Variants in TTLL4 observed in about 807,000 individuals in gnomAD.
The protein encoded by TTLL4 is tubulin tyrosine ligase like 4.
Under a neutral mutation model 122.7 loss-of-function variants are expected in TTLL4, and 85 were observed. That is an observed-to-expected ratio of 0.69 (90% CI 0.58 to 0.83). TTLL4 has a LOEUF of 0.83. Ranked by LOEUF, TTLL4 falls within the 40% of genes least tolerant of loss-of-function variation. TTLL4 has a pLI of 0.00. For synonymous variants in TTLL4, 553 were observed against 563.0 expected (o/e 0.98, Z 0.25); for missense variants, 1,363 against 1,488.6 (o/e 0.92, Z 1.39).
In TTLL4 at chr2:218,747,923, G is replaced by A. The variant is rs1043439659; in HGVS notation, c.2379-182G>A. On this transcript the variant is annotated intron_variant, in intron 11 of 19. Transcript: ENST00000392102. This position sits in a 1 kb window ranked among gnomAD's most constrained non-coding sequence, Gnocchi z 4.7. The stretch of plus-strand genomic sequence containing the variant: ...GCATGCGGGACTGAGGTGGGATAAA[G>A]GAGATGAGTTTAGCTGTGGTTTTTC... 4.5e-6 allele frequency: 5 copies of A among 1,116,254 alleles called. No individual in the cohort carries two copies. The highest frequency in any genetic ancestry group is 6.4e-6 in the Non-Finnish European group (5 of 785,108). The allele number at this position is 1,116,254 out of a possible 1,614,324, so 69.1% of individuals were successfully genotyped here.
chr2:218,737,358 T>C (rs530660434), intron 2 of TTLL4, among the ~76,000 whole-genome samples: 15 of 152,274 alleles, frequency 9.9e-5, no homozygotes, highest in African/African-American at 3.6e-4. Context: ...CTCAGTGTTT[T>C]AGTCCGTAAT....
intron 13 of TTLL4, among the ~76,000 whole-genome samples, 154 bp downstream of exon 13, chr2:218,749,088 A>G (rs1942943543): frequency 6.6e-6 from 1 of 151,992 alleles, no homozygotes; most frequent in Non-Finnish European, 1.5e-5. Flanking sequence ...GTTCTAATGA[A>G]CCTCATCCCC....
At chr2:218,750,983 C>T (rs1344744939) in intron 15 of TTLL4, among the ~76,000 whole-genome samples, 1 of 152,142 alleles carries the variant, frequency 6.6e-6, no homozygotes, top group East Asian at 1.9e-4. Flanking sequence ...ACTTACCCTT[C>T]CAATAACCCT....
chr2:218,720,077 C>T (rs1941987820), intron 1 of TTLL4, among the ~76,000 whole-genome samples: 1 of 152,032 alleles, frequency 6.6e-6, no homozygotes, highest in African/African-American at 2.4e-5. Context: ...AAAGAAGGGT[C>T]CACTCAAGGA....
At chr2:218,722,841 T>C (rs1158666501) in intron 1 of TTLL4, among the ~76,000 whole-genome samples, 1 of 152,250 alleles carries the variant, frequency 6.6e-6, no homozygotes, top group Non-Finnish European at 1.5e-5. Flanking sequence ...CAAAGACATA[T>C]ATTTGAAGCT....
intron 1 of TTLL4, among the ~76,000 whole-genome samples, chr2:218,714,958 A>G (rs147339715): frequency 2.3e-4 from 35 of 152,340 alleles, no homozygotes; most frequent in African/African-American, 8.4e-4. Flanking sequence ...TAATAAGCCC[A>G]TTACTAACAT....
chr2:218,743,598 A>T (rs1446477560), intron 5 of TTLL4, among the ~76,000 whole-genome samples: 1 of 152,158 alleles, frequency 6.6e-6, no homozygotes, highest in Non-Finnish European at 1.5e-5. Flanking sequence ...TGGTGGTTAC[A>T]TGTTTAGTTT....
chr2:218,715,608 T>C (rs1422547771), intron 1 of TTLL4, among the ~76,000 whole-genome samples: 2 of 152,134 alleles, frequency 1.3e-5, no homozygotes, highest in African/African-American at 4.8e-5. Context: ...AAAAGGCTAC[T>C]GTAAAAATAA....
intron 1 of TTLL4, among the ~76,000 whole-genome samples, chr2:218,724,460 A>C (rs773472126): frequency 6.6e-6 from 1 of 152,162 alleles, no homozygotes; most frequent in Admixed American, 6.6e-5. Context: ...GTTAACCACC[A>C]ATCTGTTCTC....
rs372440850 is a variant in TTLL4, at chr2:218,737,734, A to T, written c.58A>T (p.Lys20Ter). Residue 20 changes from lysine to a stop codon, truncating the protein, a stop_gained, in exon 3 of 20, where the codon AAG (lysine) becomes TAG (stop). Coordinates refer to ENST00000392102, the MANE Select transcript of TTLL4 (RefSeq NM_014640.5). LOFTEE classifies it high-confidence loss of function. Reference protein sequence around the residue: ...SIGLRQKNSFKQSGPSGTVPA... With the variant: ...SIGLRQKNSF ...TGGCCTCCGCCAGAAAAACAGCTTC[A>T]AGCAGAGTGGTCCCTCAGGCACAGT... 6.2e-7 allele frequency: 1 copy of T among 1,614,018 alleles called. No individual in the cohort carries two copies. The highest frequency in any genetic ancestry group is 1.1e-5 in the South Asian group (1 of 91,064).
intron 5 of TTLL4, 92 bp downstream of exon 5, chr2:218,740,676 GGA>G: frequency 6.8e-7 from 1 of 1,462,118 alleles, no homozygotes; most frequent in Middle Eastern, 1.8e-4. Flanking sequence ...TTAATGGCCT[GGA>G]GAACTCTAAT....
At chr2:218,732,970 T>C (rs1350940919) in intron 2 of TTLL4, among the ~76,000 whole-genome samples, 1 of 152,254 alleles carries the variant, frequency 6.6e-6, no homozygotes, top group Non-Finnish European at 1.5e-5. Context: ...TGATACTGTT[T>C]ACTTGGCATT....
intron 8 of TTLL4, 106 bp downstream of exon 8, chr2:218,746,337 G>A (rs1382945186): frequency 4.8e-6 from 6 of 1,243,096 alleles, no homozygotes; most frequent in Non-Finnish European, 3.5e-6. Flanking sequence ...TGATGACCAT[G>A]GAGAAGTCAG....
intron 8 of TTLL4, 149 bp from the exon 9 acceptor site, chr2:218,746,854 T>C (rs1942856945): frequency 1.3e-6 from 1 of 765,348 alleles, no homozygotes; most frequent in South Asian, 1.8e-5. Context: ...TGCAGTTGGA[T>C]ACTTGAGGAC....
chr2:218,754,554 G>A lies in TTLL4; in HGVS notation c.*165G>A, dbSNP rs1575187216. On this transcript the variant is annotated 3_prime_UTR_variant, in exon 20 of 20. Transcript: ENST00000392102. Reference sequence around the variant, plus strand: ...TATAGAGATGGGTATTTGTAGGGCCGGAGGGATGGTAGTGATGGGGAGAAG... The same window carrying A: ...TATAGAGATGGGTATTTGTAGGGCCAGAGGGATGGTAGTGATGGGGAGAAG... The A allele has an allele frequency of 9.7e-6, 9 of 924,420 alleles. No individual in the cohort carries two copies. The South Asian group carries it at 1.2e-4, about 13-fold the overall frequency. The allele number at this position is 924,420 out of a possible 1,614,324, so 57.3% of individuals were successfully genotyped here. A position where few individuals can be genotyped will look rare whatever the true frequency, so the allele number is the denominator to read the frequency against.
At chr2:218,716,572 A>C (rs1941864771) in intron 1 of TTLL4, among the ~76,000 whole-genome samples, 1 of 152,166 alleles carries the variant, frequency 6.6e-6, no homozygotes, top group Non-Finnish European at 1.5e-5. Flanking sequence ...GGCAGATCAC[A>C]AGGTCAGGAG....
chr2:218,727,388 AATT>A (rs1942226288), intron 2 of TTLL4, 41 bp downstream of exon 2: 1 of 152,258 alleles, frequency 6.6e-6, no homozygotes, highest in Middle Eastern at 3.4e-3. Context: ...TTGTTTTAAA[AATT>A]ATTATTAACA....
Position 218,749,897 on chromosome 2 carries a change from C to T in TTLL4, c.2736-112C>T, listed in dbSNP as rs1942970402. 6 of 1,426,018 alleles carry T rather than the reference C, an allele frequency of 4.2e-6. No homozygotes were observed. In the South Asian group the frequency reaches 8.1e-5, roughly 19 times the overall value. 88.3% of individuals were successfully genotyped at this position (1,426,018 alleles called of 1,614,324 possible). On this transcript the variant is annotated intron_variant, in intron 14 of 19. Transcript: ENST00000392102. The stretch of plus-strand genomic sequence containing the variant: ...ATCCTGCATGGGGATGTTTGAGCAG[C>T]TTTCATCTTAGGGAAGCCAGGAAGT...
intron 1 of TTLL4, among the ~76,000 whole-genome samples, chr2:218,716,835 T>C (rs1288723863): frequency 6.6e-6 from 1 of 152,154 alleles, no homozygotes; most frequent in African/African-American, 2.4e-5. Context: ...AACCTGGTTG[T>C]ATTCTTTCAC....
Sources: allele counts gnomAD v4.1 joint callset (sites outside exome capture counted in the v4.1 genomes callset), GRCh38; gene constraint gnomAD v4.1.1; non-coding constraint Gnocchi (gnomAD v3.1); transcripts MANE v1.5; gene names NCBI Gene and HGNC (gene_info 2026-07-23, HGNC 2026-07-21).